Variants in CDH4 observed in about 807,000 individuals in gnomAD.
CDH4 encodes cadherin 4, also known as cadherin-4.
Under a neutral mutation model 86.0 loss-of-function variants are expected in CDH4, and 33 were observed. The observed-to-expected ratio is 0.38, with a 90% CI of 0.29 to 0.51. The LOEUF is 0.51. Ranked by LOEUF, CDH4 falls within the 20% of genes least tolerant of loss-of-function variation. CDH4 has a pLI of 0.86. For synonymous variants in CDH4, 555 were observed against 549.4 expected, an observed-to-expected ratio of 1.01 and a Z score of -0.14; for missense variants, 1,114 against 1,307.4, an observed-to-expected ratio of 0.85 and a Z score of 2.28.
At position 61,510,408 on chromosome 20, in the gene CDH4, C is replaced by T. The variant is rs1240447703; in HGVS notation, c.170-233155C>T. 6.6e-6 allele frequency among the ~76,000 whole-genome samples: 1 copy of T among 152,180 alleles called. No individual in the cohort carries two copies. On this transcript the variant is annotated intron_variant, in intron 2 of 15. Coordinates refer to ENST00000614565, the MANE Select transcript of CDH4 (RefSeq NM_001794.5). The surrounding 1 kb of genome is among the most constrained non-coding windows in gnomAD (Gnocchi z 4.2). ...TTGTGTGGAAGCTGGAGTTGGCCAG[C>T]CCCTGCCTTAGCCTCTGTCAAAGAG... is the stretch of plus-strand genomic sequence containing the variant.
At chr20:61,932,145 C>T (rs756315474) in intron 13 of CDH4, among the ~76,000 whole-genome samples, 4 of 152,184 alleles carry the variant, frequency 2.6e-5, no homozygotes, top group Non-Finnish European at 4.4e-5. Context: ...ACCTCACTTC[C>T]ACCTCCTCTG....
chr20:61,697,204 G>A (rs1191509374), intron 2 of CDH4, among the ~76,000 whole-genome samples: 8 of 152,200 alleles, frequency 5.3e-5, no homozygotes, highest in Non-Finnish European at 8.8e-5. Context: ...GAATGAGGAC[G>A]AAAGATGGAA....
At position 61,744,233 on chromosome 20, in the gene CDH4, C is replaced by T. The variant is rs972021089; in HGVS notation, c.396+444C>T. 5.3e-5 allele frequency among the ~76,000 whole-genome samples: 8 copies of T among 151,114 alleles called. No individual in the cohort carries two copies. In the South Asian group the frequency reaches 8.4e-4, roughly 16 times the overall value. On this transcript the variant is annotated intron_variant, in intron 3 of 15. Transcript: ENST00000614565. ...AGGAGCCAACCAGAGAGTGGGGAGG[C>T]GATGGAGAGAATAACAGAGAGGAAG...
intron 6 of CDH4, among the ~76,000 whole-genome samples, chr20:61,859,793 G>A (rs568614549): frequency 1.0e-4 from 16 of 152,392 alleles, no homozygotes; most frequent in East Asian, 5.8e-4. Flanking sequence ...GGCCAGCTTC[G>A]CTGCCGGGTG....
intron 2 of CDH4, among the ~76,000 whole-genome samples, chr20:61,523,229 C>G (rs2085885678): frequency 6.6e-6 from 1 of 152,244 alleles, no homozygotes; most frequent in Non-Finnish European, 1.5e-5. Context: ...TTCTCACCAT[C>G]AGGAGGCCTC....
intron 2 of CDH4, among the ~76,000 whole-genome samples, chr20:61,566,424 G>A (rs2086298366): frequency 1.3e-5 from 2 of 152,302 alleles, no homozygotes; most frequent in African/African-American, 4.8e-5. Flanking sequence ...AACTGGCAGA[G>A]TCAGTATCCA....
chr20:61,734,264 C>T (rs533068135), intron 2 of CDH4, among the ~76,000 whole-genome samples: 4 of 152,338 alleles, frequency 2.6e-5, no homozygotes, highest in East Asian at 1.9e-4. Context: ...CAAAAGAAGC[C>T]GGGCTCTGCT....
intron 4 of CDH4, among the ~76,000 whole-genome samples, chr20:61,777,079 G>A (rs2088851051): frequency 1.3e-5 from 2 of 152,196 alleles, no homozygotes; most frequent in South Asian, 4.1e-4. Context: ...TTTACCCTCT[G>A]CCCTGCTTCA....
Position 61,925,552 on chromosome 20 carries a change from C to T in CDH4, c.1771+1076C>T, listed in dbSNP as rs540027204. The stretch of plus-strand genomic sequence containing the variant: ...GATGACTGCCCGGGCTGCTGTTTGC[C>T]GAGTACCGGCCGAGTGCCTGCCGCT... On this transcript the variant is annotated intron_variant, in intron 11 of 15. Transcript: ENST00000614565. Among the ~76,000 whole-genome samples the T allele has an allele frequency of 2.6e-5, 4 of 152,320 alleles. No homozygotes were observed. The South Asian group carries it at 6.2e-4, about 24-fold the overall frequency.
chr20:61,526,582 T>C (rs2085912251), intron 2 of CDH4, among the ~76,000 whole-genome samples: 1 of 151,674 alleles, frequency 6.6e-6, no homozygotes, highest in Non-Finnish European at 1.5e-5. Flanking sequence ...TGTGCCATGC[T>C]GGTGTGCTGC....
At chr20:61,840,262 G>A (rs571808003) in intron 4 of CDH4, among the ~76,000 whole-genome samples, 1 of 152,128 alleles carries the variant, frequency 6.6e-6, no homozygotes, top group Non-Finnish European at 1.5e-5. Context: ...CTTCCCGGTG[G>A]GTGGGTCTCT....
intron 2 of CDH4, among the ~76,000 whole-genome samples, chr20:61,479,050 G>A (rs1381226657): frequency 1.3e-5 from 2 of 151,710 alleles, no homozygotes; most frequent in African/African-American, 4.9e-5. Flanking sequence ...ATATGGCCAC[G>A]TGGTCTTCTG....
chr20:61,703,609 C>G lies in CDH4; in HGVS notation c.170-39954C>G, dbSNP rs1241542151. ...TCCCCGTCGCACCTCTTCCCCGTGC[C>G]TGGATGAATCTGCAAAGAGAGCGGG... On this transcript the variant is annotated intron_variant, in intron 2 of 15. Transcript: ENST00000614565. The surrounding 1 kb of genome is among the most constrained non-coding windows in gnomAD (Gnocchi z 4.3). Among the ~76,000 whole-genome samples, 1 of 152,212 alleles carries G rather than the reference C, an allele frequency of 6.6e-6. No homozygotes were observed. Among genetic ancestry groups the G allele is most frequent in the Non-Finnish European group, 1.5e-5 (1 of 68,036 alleles).
At chr20:61,388,172 T>C (rs373489633) in intron 2 of CDH4, among the ~76,000 whole-genome samples, 1 of 151,626 alleles carries the variant, frequency 6.6e-6, no homozygotes, top group South Asian at 2.1e-4. Context: ...AGTTAGAATG[T>C]GCGTGGTCCA....
intron 2 of CDH4, among the ~76,000 whole-genome samples, chr20:61,387,649 G>T (rs1243595278): frequency 6.6e-6 from 1 of 152,138 alleles, no homozygotes; most frequent in Non-Finnish European, 1.5e-5. Flanking sequence ...AACACATCCC[G>T]ATGTCCTGTT....
intron 2 of CDH4, among the ~76,000 whole-genome samples, chr20:61,568,887 A>G (rs756514744): frequency 1.1e-4 from 16 of 152,240 alleles, no homozygotes; most frequent in South Asian, 2.1e-4. Context: ...TTCTCCCCCA[A>G]TGAGAGTGGA....
chr20:61,599,612 C>G (rs1231242139), intron 2 of CDH4: 2 of 169,458 alleles, frequency 1.2e-5, no homozygotes, highest in African/African-American at 4.8e-5. Flanking sequence ...ATTTCAGCAG[C>G]GCAGGCAGGC....
chr20:61,520,626 G>A (rs73150284), intron 2 of CDH4, among the ~76,000 whole-genome samples: 2 of 152,122 alleles, frequency 1.3e-5, no homozygotes, highest in African/African-American at 2.4e-5. Context: ...GGCATTTGGC[G>A]CATAGTTTCC....
intron 2 of CDH4, among the ~76,000 whole-genome samples, chr20:61,491,626 G>C (rs937212840): frequency 3.9e-5 from 6 of 152,202 alleles, no homozygotes; most frequent in African/African-American, 1.4e-4. Context: ...TTGTCTCTCT[G>C]TTGTTTTGGC....
Sources: gnomAD v4.1 joint callset for allele counts (sites outside exome capture counted in the v4.1 genomes callset) on GRCh38, gnomAD v4.1.1 for gene constraint, Gnocchi (gnomAD v3.1) non-coding constraint, MANE v1.5 for transcripts, NCBI Gene and HGNC (gene_info 2026-07-23, HGNC 2026-07-21) for gene names.